NF1: variants seen among roughly 807,000 people sequenced by gnomAD.
NF1 encodes the protein neurofibromin 1.
Under a neutral mutation model 325.7 loss-of-function variants are expected in NF1, and 122 were observed. That is an observed-to-expected ratio of 0.37 (90% confidence interval 0.32 to 0.44). The LOEUF (loss-of-function observed/expected upper bound fraction) is 0.44. Ranked by LOEUF, NF1 falls within the 20% of genes least tolerant of loss-of-function variation. The pLI, the probability that NF1 is intolerant of heterozygous loss-of-function variation, is 1.00. For missense variants in NF1, 2,140 were observed against 3,415.4 expected, an observed-to-expected ratio of 0.63 and a Z score of 9.31; for synonymous variants, 1,091 against 1,186.0, an observed-to-expected ratio of 0.92 and a Z score of 1.65.
intron 36 of NF1, among the ~76,000 whole-genome samples, chr17:31,290,390 C>A (rs1381670528): frequency 6.6e-6 from 1 of 152,140 alleles, no homozygotes; most frequent in African/African-American, 2.4e-5. Context: ...TTTATTGAGT[C>A]TTTTCCTTTC....
intron 29 of NF1, among the ~76,000 whole-genome samples, chr17:31,241,124 C>T (rs187646132): frequency 4.6e-5 from 7 of 152,272 alleles, no homozygotes; most frequent in Non-Finnish European, 8.8e-5. Context: ...GCAATCCACC[C>T]GCCTCGGTCT....
intron 36 of NF1, among the ~76,000 whole-genome samples, chr17:31,284,247 A>C (rs1328858959): frequency 6.6e-6 from 1 of 151,972 alleles, no homozygotes; most frequent in Non-Finnish European, 1.5e-5. Context: ...GATTACAGGC[A>C]TGCACCATCA....
chr17:31,234,670 C>CAA (rs754308242), intron 27 of NF1, among the ~76,000 whole-genome samples: 38 of 56,250 alleles, frequency 6.8e-4, no homozygotes, highest in East Asian at 2.2e-3. Flanking sequence ...GACTCTGTCT[C>CAA]AAAAAAAAAA....
chr17:31,294,716 T>G, intron 36 of NF1: 1 of 434,554 alleles, frequency 2.3e-6, no homozygotes. Context: ...ATATTAAAGT[T>G]TAGATGCTTT....
intron 2 of NF1, among the ~76,000 whole-genome samples, chr17:31,157,947 A>G (rs2065694978): frequency 6.6e-6 from 1 of 152,136 alleles, no homozygotes; most frequent in South Asian, 2.1e-4. Context: ...CCTGGGTGAC[A>G]GAGTGAGACT....
At chr17:31,302,564 G>A (rs1168775555) in intron 36 of NF1, among the ~76,000 whole-genome samples, 5 of 152,220 alleles carry the variant, frequency 3.3e-5, no homozygotes, top group African/African-American at 1.2e-4. Flanking sequence ...AGTTTGGGCC[G>A]GGCACGGTGG....
intron 30 of NF1, chr17:31,250,877 G>A (rs561222981): frequency 5.3e-6 from 1 of 187,822 alleles, no homozygotes; most frequent in East Asian, 8.6e-5. Flanking sequence ...TAACAAACCT[G>A]GTTTATTATG....
intron 36 of NF1, among the ~76,000 whole-genome samples, chr17:31,324,176 C>T (rs1175759412): frequency 4.6e-5 from 7 of 152,236 alleles, no homozygotes; most frequent in Admixed American, 2.0e-4. Context: ...AAGCAATTCT[C>T]CTGCCTCAGC....
At chr17:31,239,827 A>T (rs909611361) in intron 29 of NF1, among the ~76,000 whole-genome samples, 1 of 152,110 alleles carries the variant, frequency 6.6e-6, no homozygotes, top group Non-Finnish European at 1.5e-5. Flanking sequence ...CAGTGGTGCT[A>T]TCTTGGCTCA....
At chr17:31,280,115 C>CA (rs774723914) in intron 36 of NF1, among the ~76,000 whole-genome samples, 180 of 152,124 alleles carry the variant, frequency 1.2e-3, no homozygotes, top group Middle Eastern at 0.01. Context: ...TTGGTAGCTT[C>CA]AGCAGTTGTC....
chr17:31,155,393 G>A (rs2065642050), intron 1 of NF1, among the ~76,000 whole-genome samples: 2 of 152,118 alleles, frequency 1.3e-5, no homozygotes, highest in Non-Finnish European at 2.9e-5. Context: ...CCCTTCAATT[G>A]TGTAGCTGAG....
At chr17:31,108,098 A>T (rs1161645363) in intron 1 of NF1, among the ~76,000 whole-genome samples, 1 of 150,726 alleles carries the variant, frequency 6.6e-6, no homozygotes, top group Admixed American at 6.6e-5. Flanking sequence ...GTGCTACTAC[A>T]CTCCAGCATG....
chr17:31,164,504 G>A (rs1465019406), intron 4 of NF1, among the ~76,000 whole-genome samples: 2 of 152,180 alleles, frequency 1.3e-5, no homozygotes, highest in African/African-American at 2.4e-5. Flanking sequence ...TTAGTGATTC[G>A]TGAATCGAAG....
At chr17:31,307,776 G>A (rs1266690954) in intron 36 of NF1, 1 of 653,758 alleles carries the variant, frequency 1.5e-6, no homozygotes, top group Non-Finnish European at 2.3e-6. Flanking sequence ...ATCTTAGGGT[G>A]TTAGATATTG....
At chr17:31,183,787 A>G (rs1442607967) in intron 8 of NF1, among the ~76,000 whole-genome samples, 2 of 152,142 alleles carry the variant, frequency 1.3e-5, no homozygotes, top group African/African-American at 4.8e-5. Context: ...GAAAAATGTG[A>G]AAAGAGAGAC....
chr17:31,205,124 A>G (rs2066597630), intron 11 of NF1, among the ~76,000 whole-genome samples: 1 of 152,162 alleles, frequency 6.6e-6, no homozygotes, highest in South Asian at 2.1e-4. Flanking sequence ...TCCGGCGAAC[A>G]GGATTTGTAA....
chr17:31,138,451 A>G (rs1915945158), intron 1 of NF1: 1 of 151,894 alleles, frequency 6.6e-6, no homozygotes, highest in Admixed American at 6.6e-5. Flanking sequence ...TTTAGTGGAG[A>G]CAAAGTTTCA....
chr17:31,184,186 T>C (rs1305342741), intron 8 of NF1, among the ~76,000 whole-genome samples: 1 of 152,198 alleles, frequency 6.6e-6, no homozygotes, highest in Non-Finnish European at 1.5e-5. Flanking sequence ...TGCTGTGAAC[T>C]GTTTAGAGAG....
intron 11 of NF1, among the ~76,000 whole-genome samples, chr17:31,205,444 C>T (rs1567837821): frequency 6.6e-6 from 1 of 151,966 alleles, no homozygotes; most frequent in African/African-American, 2.4e-5. Flanking sequence ...AAATGATAGA[C>T]TTTAAAGATA....
Sources: gnomAD v4.1 joint callset for allele counts (sites outside exome capture counted in the v4.1 genomes callset) on GRCh38, gnomAD v4.1.1 for gene constraint, MANE v1.5 for transcripts, NCBI Gene and HGNC (gene_info 2026-07-23, HGNC 2026-07-21) for gene names.